Variants in FYB1 observed in about 807,000 individuals in gnomAD.
FYB1 encodes FYN binding protein 1.
FYB1 carries 41 observed loss-of-function variants against 94.1 expected under a neutral mutation model. The ratio of observed to expected loss-of-function variants is 0.44; its 90% CI spans 0.34 to 0.57. The LOEUF is 0.57. Among genes scored for constraint, FYB1 ranks in the 20% least tolerant of loss-of-function variants. The pLI, the probability that FYB1 is intolerant of heterozygous loss-of-function variation, is 0.02. For synonymous variants in FYB1, 367 were observed against 353.2 expected (o/e 1.04, Z -0.44); for missense variants, 1,050 against 976.8 (o/e 1.07, Z -1.00).
At chr5:39,230,656 TA>T (rs1750684693) in intron 1 of FYB1, among the ~76,000 whole-genome samples, 1 of 152,108 alleles carries the variant, frequency 6.6e-6, no homozygotes, top group Non-Finnish European at 1.5e-5. Context: ...GTCACTTTTT[TA>T]AAAAGTCCTA....
Position 39,266,674 on chromosome 5 carries a change from G to A in FYB1, c.-28+7729C>T, listed in dbSNP as rs977461085. On this transcript the variant is annotated intron_variant, in intron 1 of 1. Coordinates refer to the FYB1 transcript ENST00000510188. ...AGATGAGCTTGGGGTGGAGAAGGGA[G>A]TTATGTAGTCATTAAGCCCCGCTTT... Among the ~76,000 whole-genome samples the A allele has an allele frequency of 6.6e-5, 10 of 152,274 alleles. No homozygotes were observed. The South Asian group carries it at 8.3e-4, about 13-fold the overall frequency.
chr5:39,241,751 C>T (rs1000337599), intron 1 of FYB1, among the ~76,000 whole-genome samples: 1 of 152,060 alleles, frequency 6.6e-6, no homozygotes, highest in Non-Finnish European at 1.5e-5. Flanking sequence ...GGGAAATCCA[C>T]CTGATTTGAA....
chr5:39,219,001 T>C (rs192293359), intron 1 of FYB1, among the ~76,000 whole-genome samples: 1 of 152,152 alleles, frequency 6.6e-6, no homozygotes, highest in African/African-American at 2.4e-5. Context: ...TCCTGCCAGG[T>C]TTGGAGGAAA....
At chr5:39,160,204 C>T (rs77720557) in intron 2 of FYB1, among the ~76,000 whole-genome samples, 2 of 152,212 alleles carry the variant, frequency 1.3e-5, no homozygotes, top group African/African-American at 2.4e-5. Flanking sequence ...TTCTCATCTG[C>T]GAAATGGTCA....
chr5:39,141,005 G>T, intron 4 of FYB1, 90 bp downstream of exon 4: 1 of 830,092 alleles, frequency 1.2e-6, no homozygotes, highest in South Asian at 1.5e-5. Context: ...TGATGATAAT[G>T]ACCCATTAAT....
intron 2 of FYB1, among the ~76,000 whole-genome samples, chr5:39,154,804 G>A (rs1743600956): frequency 6.6e-6 from 1 of 152,116 alleles, no homozygotes; most frequent in Non-Finnish European, 1.5e-5. Context: ...GTGTTGACCA[G>A]GCTGGTCTTG....
upstream of FYB1, among the ~76,000 whole-genome samples, chr5:39,223,316 C>A (rs1347202568): frequency 6.6e-6 from 1 of 151,868 alleles, no homozygotes; most frequent in East Asian, 1.9e-4. Context: ...ATATGAGGAG[C>A]ATATTTTCCT....
At chr5:39,117,339 C>G (rs987808710) in intron 16 of FYB1, among the ~76,000 whole-genome samples, 2 of 152,034 alleles carry the variant, frequency 1.3e-5, no homozygotes, top group East Asian at 3.9e-4. Flanking sequence ...GTGTATTCAT[C>G]GTAACATTTA....
intron 2 of FYB1, among the ~76,000 whole-genome samples, chr5:39,189,376 A>G (rs57614949): frequency 0.013 from 1,981 of 152,086 alleles, 50 homozygotes; most frequent in African/African-American, 0.046. Flanking sequence ...TCCTGAATAT[A>G]TTCTATTCAT....
chr5:39,234,311 G>A (rs1440874472), intron 1 of FYB1, among the ~76,000 whole-genome samples: 1 of 152,044 alleles, frequency 6.6e-6, no homozygotes, highest in Non-Finnish European at 1.5e-5. Flanking sequence ...ACACATTTGT[G>A]AATCTTAGTT....
intron 2 of FYB1, among the ~76,000 whole-genome samples, chr5:39,170,662 C>G (rs1478631186): frequency 6.6e-6 from 1 of 151,708 alleles, no homozygotes; most frequent in Non-Finnish European, 1.5e-5. Context: ...ACAGCTGATG[C>G]TCTACACAGG....
upstream of FYB1, among the ~76,000 whole-genome samples, chr5:39,223,202 T>C (rs974655915): frequency 6.6e-6 from 1 of 152,170 alleles, no homozygotes; most frequent in Admixed American, 6.5e-5. Context: ...CTACATGCTT[T>C]GGCTACAGGC....
intron 10 of FYB1, among the ~76,000 whole-genome samples, chr5:39,128,074 A>G (rs1740853749): frequency 6.7e-6 from 1 of 149,620 alleles, no homozygotes; most frequent in African/African-American, 2.6e-5. Flanking sequence ...GTAAACTTAA[A>G]TAGGGCATGG....
intron 14 of FYB1, 137 bp from the exon 15 acceptor site, chr5:39,119,771 T>A (rs1739915571): frequency 9.1e-7 from 1 of 1,095,558 alleles, no homozygotes; most frequent in Non-Finnish European, 1.2e-6. Flanking sequence ...ATCCAGTAAC[T>A]GTCATTGTAA....
rs1277836905 is a variant in FYB1 at position 39,202,590 on chromosome 5, T to A, written c.371A>T (p.Asp124Val). Residue 124 changes from aspartate (D) to valine (V), a missense_variant, in exon 2 of 19, where the codon GAT (aspartate) becomes GTT (valine). Transcript: ENST00000512982. ...GPKPINLPKE[D>V]SKPTFPWPPG... ...AGGCCAGGGAAATGTAGGTTTGGAA[T>A]CTTCTTTGGGCAAGTTGATGGGCTT... 3 of 1,613,924 alleles carry A rather than the reference T, an allele frequency of 1.9e-6. No individual in the cohort carries two copies. The highest frequency in any genetic ancestry group is 2.2e-5 in the South Asian group (2 of 91,068).
chr5:39,238,022 C>T (rs1184904542), intron 1 of FYB1, among the ~76,000 whole-genome samples: 1 of 152,068 alleles, frequency 6.6e-6, no homozygotes, highest in East Asian at 1.9e-4. Flanking sequence ...ATAGCTAATA[C>T]ATCGGTGGAT....
intron 16 of FYB1, among the ~76,000 whole-genome samples, chr5:39,111,689 A>T (rs1739090856): frequency 1.3e-5 from 2 of 152,050 alleles, no homozygotes; most frequent in Non-Finnish European, 2.9e-5. Context: ...TTCTCGTAGT[A>T]GGAAAATAAT....
intron 1 of FYB1, among the ~76,000 whole-genome samples, chr5:39,264,071 CTG>C (rs1752329037): frequency 6.6e-6 from 1 of 152,220 alleles, no homozygotes; most frequent in South Asian, 2.1e-4. Flanking sequence ...AGCCCTCACT[CTG>C]TGCCTTCTTT....
intron 1 of FYB1, among the ~76,000 whole-genome samples, chr5:39,263,225 G>T (rs1205113921): frequency 6.6e-6 from 1 of 152,070 alleles, no homozygotes; most frequent in East Asian, 1.9e-4. Context: ...CAAGAGCAAG[G>T]GTGCCACAAA....
Sources: gnomAD v4.1 joint callset for allele counts (sites outside exome capture counted in the v4.1 genomes callset) on GRCh38, gnomAD v4.1.1 for gene constraint, MANE v1.5 for transcripts, NCBI Gene and HGNC (gene_info 2026-07-23, HGNC 2026-07-21) for gene names.